The following PTPN9 variants were observed in gnomAD, a reference collection of about 807,000 sequenced individuals.
PTPN9 encodes the protein tyrosine-protein phosphatase non-receptor type 9.
A neutral mutation model predicts 69.8 loss-of-function variants in PTPN9; 26 were observed. That is an observed-to-expected ratio of 0.37 (90% CI 0.27 to 0.52). The LOEUF (loss-of-function observed/expected upper bound fraction) is 0.52, where lower values mean the gene tolerates loss of function less well. Among genes scored for constraint, PTPN9 ranks in the 20% least tolerant of loss-of-function variants. PTPN9 has a pLI of 0.91. For missense variants in PTPN9, 549 were observed against 740.3 expected, an observed-to-expected ratio of 0.74 and a Z score of 3.00; for synonymous variants, 274 against 272.5, an observed-to-expected ratio of 1.01 and a Z score of -0.05.
intron 9 of PTPN9, 69 bp from the exon 10 acceptor site, chr15:75,473,836 G>C: frequency 8.3e-7 from 1 of 1,207,816 alleles, no homozygotes; most frequent in South Asian, 1.2e-5. Context: ...AGGCGCTTCT[G>C]TTTTACTCCC....
At chr15:75,518,252 T>A (rs2074881891) in intron 4 of PTPN9, among the ~76,000 whole-genome samples, 1 of 151,260 alleles carries the variant, frequency 6.6e-6, no homozygotes, top group Admixed American at 6.6e-5. Flanking sequence ...GGTGGGAGGG[T>A]CACTTGAGCC....
At chr15:75,502,680 G>A (rs1051294492) in intron 7 of PTPN9, among the ~76,000 whole-genome samples, 11 of 152,214 alleles carry the variant, frequency 7.2e-5, no homozygotes, top group African/African-American at 2.6e-4. Context: ...CTCTCTGACT[G>A]TGGATTATTT....
rs527598262 is a variant in PTPN9, at chr15:75,538,206, G to T, written c.64-10945C>A. On this transcript the variant is annotated intron_variant, in intron 1 of 12. Transcript: ENST00000618819. The stretch of plus-strand genomic sequence containing the variant: ...AGCAATTTTTATGTTAACAGGAAAG[G>T]AAAAAAAAGTATATAACCTTCTCAA... 8.8e-4 allele frequency among the ~76,000 whole-genome samples: 134 copies of T among 151,820 alleles called. 2 individuals carry two copies. Among genetic ancestry groups the T allele is most frequent in the Admixed American group, 7.2e-4 (11 of 15,240 alleles).
At chr15:75,498,602 C>G (rs896261622) in intron 7 of PTPN9, among the ~76,000 whole-genome samples, 2 of 152,046 alleles carry the variant, frequency 1.3e-5, no homozygotes, top group African/African-American at 4.8e-5. Flanking sequence ...GTAATCCCAG[C>G]TACTTGGGAG....
chr15:75,545,961 A>C (rs2075030782), intron 1 of PTPN9, among the ~76,000 whole-genome samples: 1 of 152,140 alleles, frequency 6.6e-6, no homozygotes, highest in Non-Finnish European at 1.5e-5. Flanking sequence ...AAATAGATTA[A>C]AGTAAATTTA....
chr15:75,543,713 G>A (rs566286714), intron 1 of PTPN9, among the ~76,000 whole-genome samples: 4 of 152,116 alleles, frequency 2.6e-5, no homozygotes, highest in African/African-American at 7.2e-5. Context: ...AGTTTAAATC[G>A]TATGACTATA....
intron 7 of PTPN9, among the ~76,000 whole-genome samples, chr15:75,496,671 A>G (rs906084282): frequency 1.3e-5 from 2 of 151,530 alleles, no homozygotes; most frequent in Non-Finnish European, 2.9e-5. Flanking sequence ...TAATTTTTGT[A>G]ATTTTTGTAG....
Position 75,578,882 on chromosome 15 carries a change from G to C in PTPN9, c.-106C>G, listed in dbSNP as rs2141349595. 1.3e-6 allele frequency: 1 copy of C among 774,612 alleles called. No homozygotes were observed. Among genetic ancestry groups the C allele is most frequent in the East Asian group, 4.3e-5 (1 of 23,156 alleles). The allele number at this position is 774,612 out of a possible 1,614,324, so 48.0% of individuals were successfully genotyped here. On this transcript the variant is annotated 5_prime_UTR_variant, in exon 1 of 13. Coordinates refer to ENST00000618819, the MANE Select transcript of PTPN9 (RefSeq NM_002833.4). ...CCCGCGCCTCAGCAGCCCGGGGCCG[G>C]CTCGCGCATAGTGTGGCCGGCAGGG...
In PTPN9 at chr15:75,468,924, C is replaced by G. The variant is rs2074550024; in HGVS notation, c.1627G>C (p.Val543Leu). ...CTCATGCGTGACACCGTCTGGAACA[C>G]ATTAAGGGTGCCAAGCTCCTCCAGC... The part of the protein sequence containing the change: ...AQLEELGTLN[V>L]FQTVSRMRTQ... Residue 543 changes from valine (V) to leucine (L), a missense_variant, in exon 13 of 13, where the codon GTG (valine) becomes CTG (leucine). By Grantham distance (32) the Val-to-Leu change is conservative. Transcript: ENST00000618819. The G allele has an allele frequency of 6.2e-7, 1 of 1,614,072 alleles. No individual in the cohort carries two copies. The highest frequency in any genetic ancestry group is 8.5e-7 in the Non-Finnish European group (1 of 1,180,022).
At chr15:75,517,890 C>T (rs1261414881) in intron 4 of PTPN9, among the ~76,000 whole-genome samples, 1 of 152,168 alleles carries the variant, frequency 6.6e-6, no homozygotes, top group African/African-American at 2.4e-5. Context: ...TAGCACAGCC[C>T]TTAAAAATAA....
chr15:75,503,742 G>A (rs1354716311), intron 7 of PTPN9, among the ~76,000 whole-genome samples: 2 of 117,688 alleles, frequency 1.7e-5, no homozygotes, highest in Non-Finnish European at 3.5e-5. Flanking sequence ...CCCCCAACCC[G>A]GCCAGCCGCC....
intron 8 of PTPN9, among the ~76,000 whole-genome samples, chr15:75,484,398 G>T (rs868220035): frequency 6.6e-6 from 1 of 152,102 alleles, no homozygotes; most frequent in Non-Finnish European, 1.5e-5. Context: ...ATCAACAGAC[G>T]AGCCAAACAC....
At chr15:75,540,633 G>A (rs2075004587) in intron 1 of PTPN9, among the ~76,000 whole-genome samples, 1 of 151,920 alleles carries the variant, frequency 6.6e-6, no homozygotes, top group Admixed American at 6.6e-5. Context: ...CTGCCTTCCT[G>A]TTTGTACTTT....
At chr15:75,476,013 C>A (rs2074594054) in intron 9 of PTPN9, among the ~76,000 whole-genome samples, 1 of 152,076 alleles carries the variant, frequency 6.6e-6, no homozygotes, top group Non-Finnish European at 1.5e-5. Flanking sequence ...GTAGCACATG[C>A]CTGTAGTCCC....
At position 75,536,359 on chromosome 15, in the gene PTPN9, A is replaced by G. The variant is rs531541643; in HGVS notation, c.64-9098T>C. On this transcript the variant is annotated intron_variant, in intron 1 of 12. Coordinates refer to ENST00000618819, the MANE Select transcript of PTPN9 (RefSeq NM_002833.4). ...ATAAAGACCCTATTCCAAGCAGTTTACAATCATTTAACTATGGAGACAGAT... is the reference window on the plus strand; with the variant it reads ...ATAAAGACCCTATTCCAAGCAGTTTGCAATCATTTAACTATGGAGACAGAT... 4.6e-5 allele frequency among the ~76,000 whole-genome samples: 7 copies of G among 152,330 alleles called. No individual in the cohort carries two copies. The South Asian group carries it at 1.4e-3, about 32-fold the overall frequency.
At chr15:75,540,817 C>T (rs1039117621) in intron 1 of PTPN9, among the ~76,000 whole-genome samples, 16 of 151,792 alleles carry the variant, frequency 1.1e-4, no homozygotes, top group Admixed American at 1.1e-3. Flanking sequence ...ATGACTCATG[C>T]CCGTAATCCA....
chr15:75,538,105 C>G (rs2074992955), intron 1 of PTPN9, among the ~76,000 whole-genome samples: 1 of 151,448 alleles, frequency 6.6e-6, no homozygotes, highest in Non-Finnish European at 1.5e-5. Context: ...CAAAGCTTCA[C>G]AGTAAAGATA....
chr15:75,495,959 G>A (rs1015711827), intron 7 of PTPN9, among the ~76,000 whole-genome samples: 35 of 151,822 alleles, frequency 2.3e-4, no homozygotes, highest in African/African-American at 6.3e-4. Flanking sequence ...GCAACATGGC[G>A]AAACCCCATC....
At chr15:75,524,777 CAAAAA>C (rs10699634) in intron 2 of PTPN9, among the ~76,000 whole-genome samples, 3 of 72,940 alleles carry the variant, frequency 4.1e-5, no homozygotes, top group Non-Finnish European at 6.7e-5. Flanking sequence ...GACTCTGTCT[CAAAAA>C]AAAAAAAAAA....
Sources: allele counts gnomAD v4.1 joint callset (sites outside exome capture counted in the v4.1 genomes callset), GRCh38; gene constraint gnomAD v4.1.1; transcripts MANE v1.5; gene names NCBI Gene and HGNC (gene_info 2026-07-23, HGNC 2026-07-21).